RALGPS1: variants seen among roughly 807,000 people sequenced by gnomAD.
RALGPS1 encodes ras-specific guanine nucleotide-releasing factor RalGPS1.
A neutral mutation model predicts 78.8 loss-of-function variants in RALGPS1; 19 were observed. The ratio of observed to expected loss-of-function variants is 0.24; its 90% CI spans 0.17 to 0.35. RALGPS1 has a LOEUF of 0.35. RALGPS1 is among the 10% of genes least tolerant of loss of function. The probability of loss-of-function intolerance (pLI) is 1.00; values close to 1 mark genes in which losing one functional copy is unlikely to be tolerated. For synonymous variants in RALGPS1, 228 were observed against 256.3 expected (o/e 0.89, Z 1.06); for missense variants, 454 against 688.3 (o/e 0.66, Z 3.81).
intron 8 of RALGPS1, among the ~76,000 whole-genome samples, chr9:127,156,884 T>A (rs1036612816): frequency 2.6e-5 from 4 of 152,136 alleles, no homozygotes; most frequent in African/African-American, 7.2e-5. Context: ...CTAATTTATC[T>A]GTAATTTATT....
At chr9:127,093,918 T>C in intron 8 of RALGPS1, 1 of 1,613,614 alleles carries the variant, frequency 6.2e-7, no homozygotes, top group Non-Finnish European at 8.5e-7. Flanking sequence ...AGGCAGTCTC[T>C]CCATGGGCCT....
chr9:127,206,178 T>C (rs2061920733), intron 14 of RALGPS1, among the ~76,000 whole-genome samples: 1 of 152,162 alleles, frequency 6.6e-6, no homozygotes, highest in South Asian at 2.1e-4. Context: ...ACACTGCTGA[T>C]CAGTAGCATC....
At chr9:126,921,541 C>G (rs1188747145) in intron 1 of RALGPS1, among the ~76,000 whole-genome samples, 1 of 152,226 alleles carries the variant, frequency 6.6e-6, no homozygotes, top group East Asian at 1.9e-4. Context: ...CTTGGTTTTT[C>G]TGTAGAGCTT....
chr9:127,089,418 G>A (rs186609013), intron 8 of RALGPS1, among the ~76,000 whole-genome samples: 171 of 152,314 alleles, frequency 1.1e-3, no homozygotes, highest in African/African-American at 2.2e-3. Flanking sequence ...GACGCCTGCC[G>A]CACAGGGCGG....
intron 8 of RALGPS1, chr9:127,088,799 G>T: frequency 2.1e-6 from 2 of 972,696 alleles, no homozygotes; most frequent in Non-Finnish European, 3.1e-6. Context: ...CCGCTGCAGT[G>T]ACTTCGGAAA....
intron 8 of RALGPS1, chr9:127,108,360 G>A (rs775894269): frequency 5.8e-5 from 93 of 1,611,418 alleles, no homozygotes; most frequent in Non-Finnish European, 7.6e-5. Context: ...GGCTCTCCTT[G>A]CGCAGCAGCT....
In RALGPS1 at chr9:127,122,073, G is replaced by A. The variant is rs1251911224; in HGVS notation, c.611-43996G>A. Among the ~76,000 whole-genome samples, 2 of 152,202 alleles carry A rather than the reference G, an allele frequency of 1.3e-5. No individual in the cohort carries two copies. Among genetic ancestry groups the A allele is most frequent in the Non-Finnish European group, 2.9e-5 (2 of 68,038 alleles). The stretch of plus-strand genomic sequence containing the variant: ...CTCTTTGTCCAAAAGAGGAGAGTGA[G>A]GCTTACTCATGAAGTCCTCGAGATG... On this transcript the variant is annotated intron_variant, in intron 8 of 18. Coordinates refer to ENST00000259351, the MANE Select transcript of RALGPS1 (RefSeq NM_014636.3). This position sits in a 1 kb window ranked among gnomAD's most constrained non-coding sequence, Gnocchi z 6.4.
chr9:127,068,506 T>C (rs1449414949), intron 7 of RALGPS1, among the ~76,000 whole-genome samples: 3 of 152,210 alleles, frequency 2.0e-5, no homozygotes, highest in Non-Finnish European at 4.4e-5. Context: ...TCTGACATCA[T>C]GTAGAACAGT....
chr9:126,976,411 AC>A (rs942024261), intron 3 of RALGPS1, among the ~76,000 whole-genome samples: 6 of 136,656 alleles, frequency 4.4e-5, no homozygotes, highest in Admixed American at 1.5e-4. Context: ...AGTCACACAC[AC>A]CATATACTCA....
chr9:127,079,946 C>T (rs2051020828), intron 8 of RALGPS1: 1 of 152,190 alleles, frequency 6.6e-6, no homozygotes, highest in Admixed American at 6.5e-5. Flanking sequence ...CTTTGTTGAC[C>T]AATCTGTACT....
chr9:127,068,928 T>A (rs1267462314), intron 7 of RALGPS1, among the ~76,000 whole-genome samples: 1 of 152,224 alleles, frequency 6.6e-6, no homozygotes, highest in East Asian at 1.9e-4. Flanking sequence ...CAGGTGCTGC[T>A]ATGGCAATGG....
chr9:127,047,883 T>A (rs901940881), intron 5 of RALGPS1, among the ~76,000 whole-genome samples: 1 of 151,952 alleles, frequency 6.6e-6, no homozygotes, highest in Non-Finnish European at 1.5e-5. Flanking sequence ...GTTTTGTAGT[T>A]AGAAAAGAAA....
intron 8 of RALGPS1, among the ~76,000 whole-genome samples, chr9:127,110,259 T>C (rs1413356580): frequency 6.6e-6 from 1 of 152,172 alleles, no homozygotes; most frequent in Non-Finnish European, 1.5e-5. Context: ...ATGGAAGGGC[T>C]GGTTCTTGAT....
chr9:127,212,477 G>A lies in RALGPS1; in HGVS notation c.1354-150G>A. The stretch of plus-strand genomic sequence containing the variant: ...GACGCCTCCTGTCTTGGTCCTAGGT[G>A]GAAGTTGGCATTGCCAGGGGGTGGT... On this transcript the variant is annotated intron_variant, in intron 15 of 18. Transcript: ENST00000259351. The surrounding 1 kb of genome is among the most constrained non-coding windows in gnomAD (Gnocchi z 6.0). 1 of 651,072 alleles carries A rather than the reference G, an allele frequency of 1.5e-6. No homozygotes were observed. The highest frequency in any genetic ancestry group is 1.8e-5 in the African/African-American group (1 of 54,770). The allele number at this position is 651,072 out of a possible 1,614,324, so 40.3% of individuals were successfully genotyped here. A position where few individuals can be genotyped will look rare whatever the true frequency, so the allele number is the denominator to read the frequency against.
chr9:127,031,386 A>G (rs750796006), intron 4 of RALGPS1, among the ~76,000 whole-genome samples: 4 of 152,254 alleles, frequency 2.6e-5, no homozygotes, highest in Non-Finnish European at 5.9e-5. Flanking sequence ...TAGCACAGAC[A>G]GAATGGTCAT....
At position 127,091,896 on chromosome 9, in the gene RALGPS1, C is replaced by G. The variant is rs2052524848; in HGVS notation, c.610+22540C>G. Reference sequence around the variant, plus strand: ...CTTGGTTCGTCAGCCAGTAAATGTTCTCCAGGCCCAGCCAGTATTCGCCGT... The same window carrying G: ...CTTGGTTCGTCAGCCAGTAAATGTTGTCCAGGCCCAGCCAGTATTCGCCGT... On this transcript the variant is annotated intron_variant, in intron 8 of 18. Transcript: ENST00000259351. The surrounding 1 kb of genome is among the most constrained non-coding windows in gnomAD (Gnocchi z 4.3). 1 of 1,614,178 alleles carries G rather than the reference C, an allele frequency of 6.2e-7. No individual in the cohort carries two copies. The highest frequency in any genetic ancestry group is 1.1e-5 in the South Asian group (1 of 91,078).
At chr9:126,919,174 A>G (rs967784399) in intron 1 of RALGPS1, among the ~76,000 whole-genome samples, 2 of 152,278 alleles carry the variant, frequency 1.3e-5, no homozygotes, top group South Asian at 4.1e-4. Flanking sequence ...TACTTTGGAC[A>G]TTGTTCTAGC....
At chr9:127,171,288 A>G (rs969170582) in intron 10 of RALGPS1, among the ~76,000 whole-genome samples, 8 of 152,224 alleles carry the variant, frequency 5.3e-5, no homozygotes, top group African/African-American at 1.7e-4. Context: ...ATAGAAGGAT[A>G]GAATATTAAA....
At chr9:126,940,830 C>T (rs1400605424) in intron 1 of RALGPS1, among the ~76,000 whole-genome samples, 2 of 152,166 alleles carry the variant, frequency 1.3e-5, no homozygotes, top group East Asian at 1.9e-4. Flanking sequence ...ACCTGGGAAC[C>T]GCTGTCTTTA....
Sources: allele counts gnomAD v4.1 joint callset (sites outside exome capture counted in the v4.1 genomes callset), GRCh38; gene constraint gnomAD v4.1.1; non-coding constraint Gnocchi (gnomAD v3.1); transcripts MANE v1.5; gene names NCBI Gene and HGNC (gene_info 2026-07-23, HGNC 2026-07-21).